Variants in MGAM2 observed in about 807,000 individuals in gnomAD.
MGAM2 encodes probable maltase-glucoamylase 2.
A neutral mutation model predicts 96.1 loss-of-function variants in MGAM2; 98 were observed. The observed-to-expected ratio is 1.02, with a 90% CI of 0.87 to 1.21. The LOEUF is 1.21. Ranked by LOEUF, MGAM2 falls within the 50% of genes most tolerant of loss-of-function variation. MGAM2 has a pLI of 0.00. For missense variants in MGAM2, 2,055 were observed against 1,182.4 expected (o/e 1.74, Z -10.82); for synonymous variants, 749 against 414.8 (o/e 1.81, Z -9.79).
At chr7:142,188,967 A>AGG (rs1796787102) in intron 36 of MGAM2, among the ~76,000 whole-genome samples, 1 of 152,238 alleles carries the variant, frequency 6.6e-6, no homozygotes, top group African/African-American at 2.4e-5. Flanking sequence ...TTATGTATCA[A>AGG]GCAAATGCTG....
At chr7:142,140,357 A>G (rs1370520686) in intron 10 of MGAM2, among the ~76,000 whole-genome samples, 2 of 152,186 alleles carry the variant, frequency 1.3e-5, no homozygotes, top group Admixed American at 6.5e-5. Context: ...ATCTGTGTTA[A>G]TCATTACTCT....
chr7:142,120,685 G>A (rs1342580516), intron 3 of MGAM2, among the ~76,000 whole-genome samples: 1 of 152,188 alleles, frequency 6.6e-6, no homozygotes, highest in Non-Finnish European at 1.5e-5. Context: ...TGGTAGAAAG[G>A]TTAAATGTTT....
At chr7:142,112,469 T>G (rs1817205182) in intron 1 of MGAM2, among the ~76,000 whole-genome samples, 1 of 152,142 alleles carries the variant, frequency 6.6e-6, no homozygotes, top group South Asian at 2.1e-4. Flanking sequence ...GACCAATTGA[T>G]GAATAATGCC....
intron 3 of MGAM2, among the ~76,000 whole-genome samples, chr7:142,126,517 A>G (rs1406001030): frequency 6.6e-6 from 1 of 151,662 alleles, no homozygotes; most frequent in Non-Finnish European, 1.5e-5. Flanking sequence ...ATTCTTAACT[A>G]TCTTTCACAA....
intron 32 of MGAM2, among the ~76,000 whole-genome samples, chr7:142,178,171 T>C (rs1796432266): frequency 6.6e-6 from 1 of 152,220 alleles, no homozygotes; most frequent in South Asian, 2.1e-4. Context: ...TTTTGAGCAG[T>C]GTCTGTTCAT....
At chr7:142,200,686 T>C (rs952988917) in intron 45 of MGAM2, among the ~76,000 whole-genome samples, 3 of 152,196 alleles carry the variant, frequency 2.0e-5, no homozygotes, top group Non-Finnish European at 4.4e-5. Flanking sequence ...TATAGCTTAT[T>C]TTTCACTACT....
intron 3 of MGAM2, among the ~76,000 whole-genome samples, chr7:142,121,120 T>C (rs1247947218): frequency 6.6e-6 from 1 of 152,190 alleles, no homozygotes; most frequent in East Asian, 1.9e-4. Flanking sequence ...TGAATCTTCT[T>C]GTTATAAAAA....
rs371275714 is a variant in MGAM2 at position 142,116,902 on chromosome 7, T to A, written c.29T>A (p.Val10Asp). 2 of 703,584 alleles carry A rather than the reference T, an allele frequency of 2.8e-6. No homozygotes were observed. The highest frequency in any genetic ancestry group is 2.0e-5 in the Admixed American group (1 of 50,024). The allele number at this position is 703,584 out of a possible 1,614,324, so 43.6% of individuals were successfully genotyped here. ...GCGAGGAAGCTCAGTGTATTGGAAG[T>A]CCTTCTGATCATCTTCTGCTTAATT... is the stretch of plus-strand genomic sequence containing the variant. MARKLSVLE[V>D]LLIIFCLIVV... The change falls in exon 2 of 48, where the codon GTC becomes GAC. Residue 10 changes from valine (V) to aspartate (D), a missense_variant. Val to Asp is a radical substitution (Grantham distance 152). Transcript: ENST00000477922.
At position 142,138,674 on chromosome 7, in the gene MGAM2, C is replaced by A. The variant is rs943467112; in HGVS notation, c.1086+7C>A. On this transcript the variant is annotated splice_region_variant and intron_variant, in intron 10 of 47. Transcript: ENST00000477922. Reference sequence around the variant, plus strand: ...TTTAGCTGAGATACCATATGTAAGTCGAAACTTCTTTTACCATGCAGTTGA... The same window carrying A: ...TTTAGCTGAGATACCATATGTAAGTAGAAACTTCTTTTACCATGCAGTTGA... The A allele has an allele frequency of 1.4e-6, 1 of 699,720 alleles. No homozygotes were observed. Among genetic ancestry groups the A allele is most frequent in the East Asian group, 2.7e-5 (1 of 37,200 alleles). 43.3% of individuals were successfully genotyped at this position (699,720 alleles called of 1,614,324 possible).
intron 9 of MGAM2, 37 bp from the exon 10 acceptor site, chr7:142,138,505 T>G: frequency 2.9e-6 from 2 of 694,126 alleles, no homozygotes; most frequent in Non-Finnish European, 2.6e-6. Flanking sequence ...GGGGCTAATG[T>G]TATTCTCAAA....
intron 12 of MGAM2, among the ~76,000 whole-genome samples, chr7:142,142,370 T>C (rs994556171): frequency 2.6e-5 from 4 of 152,144 alleles, no homozygotes; most frequent in Admixed American, 6.6e-5. Flanking sequence ...GTCATTTCAA[T>C]AGTACTCATA....
intron 44 of MGAM2, among the ~76,000 whole-genome samples, chr7:142,199,541 C>T (rs1347671699): frequency 6.6e-6 from 1 of 152,134 alleles, no homozygotes; most frequent in Non-Finnish European, 1.5e-5. Flanking sequence ...AATGCCAAGC[C>T]ACTACTTTGG....
At chr7:142,200,772 T>G (rs1797197080) in intron 45 of MGAM2, among the ~76,000 whole-genome samples, 1 of 152,198 alleles carries the variant, frequency 6.6e-6, no homozygotes, top group South Asian at 2.1e-4. Context: ...GAAGTAGATA[T>G]TCTTTACAAC....
rs1435236429 is a variant in MGAM2, at chr7:142,167,450, A to G, written c.2991A>G (p.Lys997=). ...LSAKISFLHL[K]VIYHTATMLQ... ...CAAAGATCAGCTTCCTCCACCTGAA[A>G]GTGATCTATCACACAGCAACCATGC... The change falls in exon 26 of 48, where the codon AAA becomes AAG. Residue 997 remains lysine (K), a synonymous_variant. Coordinates refer to ENST00000477922, the MANE Select transcript of MGAM2 (RefSeq NM_001293626.2). 1.4e-6 allele frequency: 1 copy of G among 703,026 alleles called. No individual in the cohort carries two copies. The highest frequency in any genetic ancestry group is 1.5e-5 in the South Asian group (1 of 67,602). 43.5% of individuals were successfully genotyped at this position (703,026 alleles called of 1,614,324 possible).
intron 44 of MGAM2, among the ~76,000 whole-genome samples, chr7:142,199,539 G>C (rs1246365755): frequency 6.6e-6 from 1 of 152,176 alleles, no homozygotes; most frequent in Non-Finnish European, 1.5e-5. Context: ...TGAATGCCAA[G>C]CCACTACTTT....
At chr7:142,194,506 AAATCT>A (rs1796966549) in intron 37 of MGAM2, among the ~76,000 whole-genome samples, 1 of 149,330 alleles carries the variant, frequency 6.7e-6, no homozygotes. Flanking sequence ...ACTGTTATAA[AAATCT>A]AAGCTATCCT....
rs962020717 is a variant in MGAM2 at position 142,171,331 on chromosome 7, G to A, written c.3242G>A (p.Arg1081His). 1.6e-5 allele frequency: 11 copies of A among 702,700 alleles called. No individual in the cohort carries two copies. The highest frequency in any genetic ancestry group is 5.4e-5 in the East Asian group (2 of 37,248). The allele number at this position is 702,700 out of a possible 1,614,324, so 43.5% of individuals were successfully genotyped here. The part of the protein sequence containing the change: ...FNDMFLSIST[R>H]LPSQYIYGFG... ...GACATGTTTCTCTCCATTTCTACGC[G>A]TCTGCCGTCCCAGTACATCTATGGC... Residue 1081 changes from arginine (R) to histidine (H), a missense_variant, in exon 28 of 48, where the codon CGT becomes CAT. By Grantham distance (29) the Arg-to-His change is conservative. Transcript: ENST00000477922.
At position 142,143,782 on chromosome 7, in the gene MGAM2, C is replaced by T. The variant is rs1030566725; in HGVS notation, c.1331C>T (p.Pro444Leu). The T allele has an allele frequency of 2.8e-5, 19 of 677,960 alleles. No individual in the cohort carries two copies. The highest frequency in any genetic ancestry group is 7.0e-5 in the African/African-American group (4 of 56,884). 42.0% of individuals were successfully genotyped at this position (677,960 alleles called of 1,614,324 possible). Residue 444 changes from proline (P) to leucine (L), a missense_variant, in exon 13 of 48, where the codon CCG becomes CTG. Physicochemically the swap from Pro to Leu is moderately conservative, Grantham distance 98 (BLOSUM62 -3). Coordinates refer to ENST00000477922, the MANE Select transcript of MGAM2 (RefSeq NM_001293626.2). ...TCTGTGTCCTAGGGATATCCGGGAC[C>T]GACAGTCTTTCCCGATTATACCAAT... Reference protein sequence around the residue: ...GFAVGEGYPGPTVFPDYTNPV... With the variant: ...GFAVGEGYPGLTVFPDYTNPV...
intron 25 of MGAM2, among the ~76,000 whole-genome samples, chr7:142,166,671 G>C (rs1233304988): frequency 6.6e-6 from 1 of 152,172 alleles, no homozygotes; most frequent in African/African-American, 2.4e-5. Context: ...AACACTGGGA[G>C]TAGAACCCTG....
Sources: gnomAD v4.1 joint callset for allele counts (sites outside exome capture counted in the v4.1 genomes callset) on GRCh38, gnomAD v4.1.1 for gene constraint, MANE v1.5 for transcripts, NCBI Gene and HGNC (gene_info 2026-07-23, HGNC 2026-07-21) for gene names.